The following STAG1 variants were observed in gnomAD, a reference collection of about 807,000 sequenced individuals.
The protein encoded by STAG1 is STAG1 cohesin complex component.
Under a neutral mutation model 170.9 loss-of-function variants are expected in STAG1, and 26 were observed. The ratio of observed to expected loss-of-function variants is 0.15; its 90% confidence interval spans 0.11 to 0.21. STAG1 has a LOEUF of 0.21. Ranked by LOEUF, STAG1 falls within the 10% of genes least tolerant of loss-of-function variation. STAG1 has a pLI of 1.00. For synonymous variants in STAG1, 514 were observed against 497.7 expected, an observed-to-expected ratio of 1.03 and a Z score of -0.44; for missense variants, 964 against 1,509.5, an observed-to-expected ratio of 0.64 and a Z score of 5.99.
chr3:136,502,299 T>C (rs977882334), intron 8 of STAG1, among the ~76,000 whole-genome samples: 3 of 149,034 alleles, frequency 2.0e-5, no homozygotes, highest in Non-Finnish European at 4.5e-5. Context: ...CCTTTAGCTT[T>C]TTCCTGGAAA....
chr3:136,484,901 T>C (rs1411627905), intron 9 of STAG1, among the ~76,000 whole-genome samples: 1 of 151,988 alleles, frequency 6.6e-6, no homozygotes, highest in Non-Finnish European at 1.5e-5. Context: ...CCCTTGCGCT[T>C]CCCAGGTGAG....
Position 136,623,247 on chromosome 3 carries a change from C to A in STAG1, c.31G>T (p.Asp11Tyr). 6.2e-7 allele frequency: 1 copy of A among 1,611,362 alleles called. No homozygotes were observed. The highest frequency in any genetic ancestry group is 8.5e-7 in the Non-Finnish European group (1 of 1,178,650). MITSELPVLQ[D>Y]STNETTAHSD... Reference sequence around the variant, plus strand: ...TGGGCAGTAGTTTCATTAGTTGAATCCCTAGAAAATGTTATATTATTTTAG... The same window carrying A: ...TGGGCAGTAGTTTCATTAGTTGAATACCTAGAAAATGTTATATTATTTTAG... Residue 11 changes from aspartate (D) to tyrosine (Y), a missense_variant and splice_region_variant, in exon 3 of 34, where the codon GAT becomes TAT. Physicochemically the swap from Asp to Tyr is radical, Grantham distance 160. This residue lies in a region of STAG1 where 108 missense variants were observed against 120.2 expected (regional missense o/e 0.90). Transcript: ENST00000383202.
At chr3:136,381,214 G>C (rs980704362) in intron 22 of STAG1, among the ~76,000 whole-genome samples, 22 of 152,036 alleles carry the variant, frequency 1.4e-4, no homozygotes, top group African/African-American at 5.3e-4. Flanking sequence ...TCAGCATTTA[G>C]ATAGCAACAG....
intron 13 of STAG1, among the ~76,000 whole-genome samples, chr3:136,454,580 A>T (rs1270536736): frequency 6.6e-6 from 1 of 151,416 alleles, no homozygotes; most frequent in Non-Finnish European, 1.5e-5. Context: ...GGGTTTCACC[A>T]TGTTGGCCAG....
chr3:136,729,171 T>G (rs1933860359), intron 1 of STAG1, among the ~76,000 whole-genome samples: 1 of 150,386 alleles, frequency 6.6e-6, no homozygotes, highest in Non-Finnish European at 1.5e-5. Flanking sequence ...GGTTTTTTTG[T>G]TTTTGTTTTT....
intron 13 of STAG1, among the ~76,000 whole-genome samples, chr3:136,456,044 C>T (rs2089103003): frequency 6.6e-6 from 1 of 152,208 alleles, no homozygotes; most frequent in African/African-American, 2.4e-5. Context: ...AGGTCTAACA[C>T]TACCAAAGAA....
At chr3:136,749,575 G>A (rs935817302) in intron 1 of STAG1, among the ~76,000 whole-genome samples, 2 of 151,904 alleles carry the variant, frequency 1.3e-5, no homozygotes, top group Non-Finnish European at 2.9e-5. Flanking sequence ...GTGAAACCCC[G>A]TCTCCACTAA....
chr3:136,446,869 G>A (rs1005477289), intron 14 of STAG1, among the ~76,000 whole-genome samples: 1 of 151,074 alleles, frequency 6.6e-6, no homozygotes, highest in African/African-American at 2.4e-5. Context: ...GCGCAATCTC[G>A]GCTCACTGCC....
intron 21 of STAG1, among the ~76,000 whole-genome samples, chr3:136,407,501 A>ACC (rs1286801356): frequency 3.3e-5 from 5 of 151,556 alleles, no homozygotes; most frequent in African/African-American, 4.8e-5. Flanking sequence ...TCACTCTGTG[A>ACC]CCCAGACTGG....
intron 15 of STAG1, among the ~76,000 whole-genome samples, chr3:136,438,772 TAATA>T (rs2088537462): frequency 6.6e-6 from 1 of 152,156 alleles, no homozygotes; most frequent in Non-Finnish European, 1.5e-5. Context: ...CTCATATAGT[TAATA>T]AATATTTTTA....
intron 5 of STAG1, among the ~76,000 whole-genome samples, chr3:136,543,409 T>G (rs1212684432): frequency 6.6e-6 from 1 of 152,200 alleles, no homozygotes; most frequent in Non-Finnish European, 1.5e-5. Flanking sequence ...CCAGAAATAC[T>G]GTGTTTTTGT....
At chr3:136,517,077 G>A (rs551441933) in intron 7 of STAG1, among the ~76,000 whole-genome samples, 1 of 152,258 alleles carries the variant, frequency 6.6e-6, no homozygotes, top group Non-Finnish European at 1.5e-5. Flanking sequence ...GATTCTATAA[G>A]AAAAGTTAAT....
At chr3:136,681,156 C>G (rs1253548827) in intron 1 of STAG1, among the ~76,000 whole-genome samples, 1 of 152,098 alleles carries the variant, frequency 6.6e-6, no homozygotes, top group Non-Finnish European at 1.5e-5. Context: ...CCACAGTTGG[C>G]TGAATCCACA....
In STAG1 at chr3:136,592,638, C is replaced by T. The variant is rs919775062; in HGVS notation, c.297+11671G>A. Among the ~76,000 whole-genome samples, 16 of 152,250 alleles carry T rather than the reference C, an allele frequency of 1.1e-4. No homozygotes were observed. The East Asian group carries it at 2.5e-3, about 24-fold the overall frequency. On this transcript the variant is annotated intron_variant, in intron 4 of 33. Coordinates refer to ENST00000383202, the MANE Select transcript of STAG1 (RefSeq NM_005862.3). ...GATGGTGACCACCAGAACTACAATG[C>T]CAGCAACAATGGCCACCAGGACCAC...
intron 5 of STAG1, among the ~76,000 whole-genome samples, chr3:136,554,580 C>T (rs1936532255): frequency 6.6e-6 from 1 of 152,090 alleles, no homozygotes; most frequent in South Asian, 2.1e-4. Flanking sequence ...AACCAGAAAA[C>T]TCTCATGCTT....
chr3:136,372,808 T>A (rs985755934), intron 23 of STAG1, among the ~76,000 whole-genome samples: 1 of 152,216 alleles, frequency 6.6e-6, no homozygotes, highest in Non-Finnish European at 1.5e-5. Flanking sequence ...TCTAAAATTC[T>A]CTTTTTTTGT....
At chr3:136,615,403 G>C (rs1449182596) in intron 3 of STAG1, among the ~76,000 whole-genome samples, 1 of 139,186 alleles carries the variant, frequency 7.2e-6, no homozygotes, top group Non-Finnish European at 1.6e-5. Context: ...ACTCCAGCCT[G>C]GGTGACAACA....
chr3:136,464,316 G>A (rs1341724652), intron 13 of STAG1, among the ~76,000 whole-genome samples: 1 of 151,984 alleles, frequency 6.6e-6, no homozygotes, highest in Non-Finnish European at 1.5e-5. Context: ...CCAGCTACTT[G>A]GGAAGCTGAG....
chr3:136,645,172 T>C (rs938871720), intron 1 of STAG1, among the ~76,000 whole-genome samples: 11 of 152,190 alleles, frequency 7.2e-5, no homozygotes, highest in African/African-American at 1.4e-4. Context: ...CTTAAGCATA[T>C]TGAATGGCAA....
Sources: allele counts gnomAD v4.1 joint callset (sites outside exome capture counted in the v4.1 genomes callset), GRCh38; gene constraint gnomAD v4.1.1; regional missense constraint gnomAD v4.1.1; transcripts MANE v1.5; gene names NCBI Gene and HGNC (gene_info 2026-07-23, HGNC 2026-07-21).